GALNT13: variants seen among roughly 807,000 people sequenced by gnomAD.
GALNT13 encodes the protein polypeptide N-acetylgalactosaminyltransferase 13.
GALNT13 carries 28 observed loss-of-function variants against 64.2 expected under a neutral mutation model. The observed-to-expected ratio is 0.44, with a 90% CI of 0.32 to 0.60. The LOEUF is 0.60. GALNT13 is among the 20% of genes least tolerant of loss of function. GALNT13 has a pLI of 0.05. For synonymous variants in GALNT13, 214 were observed against 224.6 expected (o/e 0.95, Z 0.42); for missense variants, 577 against 669.8 (o/e 0.86, Z 1.53).
the GALNT13 span, among the ~76,000 whole-genome samples, chr2:153,302,636 A>T: frequency 1.3e-5 from 2 of 152,092 alleles, no homozygotes; most frequent in South Asian, 4.1e-4. Flanking sequence ...TGCCCAGACC[A>T]ATGTCATGGA....
the GALNT13 span, among the ~76,000 whole-genome samples, chr2:153,076,697 C>G: frequency 7.4e-6 from 1 of 135,950 alleles, no homozygotes; most frequent in Non-Finnish European, 1.5e-5. Context: ...CATCATTTTC[C>G]TCATTGATTT....
At chr2:153,871,583 G>A (rs1180913375), upstream of GALNT13, among the ~76,000 whole-genome samples, 1 of 152,174 alleles carries the variant, frequency 6.6e-6, no homozygotes, top group Admixed American at 6.5e-5. Flanking sequence ...GCGTTGTGGG[G>A]CCCCAAAGCG....
chr2:154,122,451 A>G (rs1682005950), intron 3 of GALNT13, among the ~76,000 whole-genome samples: 1 of 151,960 alleles, frequency 6.6e-6, no homozygotes, highest in Admixed American at 6.6e-5. Context: ...AAAATATTTT[A>G]GGAAGTATTT....
chr2:153,574,705 T>G, the GALNT13 span, among the ~76,000 whole-genome samples: 2 of 147,510 alleles, frequency 1.4e-5, no homozygotes, highest in African/African-American at 5.3e-5. Flanking sequence ...TGCTTTATAA[T>G]TATTTCAATC....
chr2:153,432,920 A>AC, the GALNT13 span, among the ~76,000 whole-genome samples: 6 of 152,112 alleles, frequency 3.9e-5, no homozygotes, highest in Non-Finnish European at 8.8e-5. Flanking sequence ...TGATTTAATG[A>AC]CCTACCTAAT....
At chr2:153,488,492 A>G in the GALNT13 span, among the ~76,000 whole-genome samples, 2 of 152,198 alleles carry the variant, frequency 1.3e-5, no homozygotes, top group South Asian at 2.1e-4. Flanking sequence ...TTTAACCTTA[A>G]TAGTCACCAG....
At chr2:153,744,551 C>A in the GALNT13 span, among the ~76,000 whole-genome samples, 1 of 152,016 alleles carries the variant, frequency 6.6e-6, no homozygotes, top group Admixed American at 6.6e-5. Context: ...AGAGTTGTAT[C>A]TTTTCTCAGC....
chr2:153,584,357 C>T, the GALNT13 span, among the ~76,000 whole-genome samples: 11 of 152,164 alleles, frequency 7.2e-5, no homozygotes, highest in African/African-American at 1.2e-4. Context: ...CAGTCCACCA[C>T]GTGGGACACC....
At chr2:153,498,063 T>G in the GALNT13 span, among the ~76,000 whole-genome samples, 3 of 152,338 alleles carry the variant, frequency 2.0e-5, no homozygotes, top group African/African-American at 2.4e-5. Context: ...GAGATTATTT[T>G]GTACTCTTAC....
the GALNT13 span, among the ~76,000 whole-genome samples, chr2:153,306,503 T>C: frequency 1.3e-5 from 2 of 152,306 alleles, no homozygotes; most frequent in South Asian, 2.1e-4. Flanking sequence ...CTAGAGTACA[T>C]TCATATTTAC....
the GALNT13 span, among the ~76,000 whole-genome samples, chr2:153,268,833 C>G: frequency 2.0e-5 from 3 of 152,232 alleles, no homozygotes; most frequent in African/African-American, 7.2e-5. Flanking sequence ...CCCTTTGAAG[C>G]AATGGCTCAA....
the GALNT13 span, among the ~76,000 whole-genome samples, chr2:153,540,085 C>G: frequency 6.6e-6 from 1 of 152,200 alleles, no homozygotes; most frequent in Non-Finnish European, 1.5e-5. Flanking sequence ...TTTATGGCAG[C>G]CTCTCCCATC....
At chr2:154,388,011 G>A (rs1698597316) in intron 9 of GALNT13, among the ~76,000 whole-genome samples, 1 of 152,036 alleles carries the variant, frequency 6.6e-6, no homozygotes, top group African/African-American at 2.4e-5. Context: ...CTTTTATAAT[G>A]GCTGTACTAA....
chr2:154,348,746 C>T (rs1399758988), intron 9 of GALNT13, among the ~76,000 whole-genome samples: 1 of 151,942 alleles, frequency 6.6e-6, no homozygotes, highest in African/African-American at 2.4e-5. Flanking sequence ...ACAAAGCCCT[C>T]TTTGTCACTG....
the GALNT13 span, among the ~76,000 whole-genome samples, chr2:153,567,539 C>T: frequency 1.3e-5 from 2 of 152,158 alleles, no homozygotes; most frequent in African/African-American, 4.8e-5. Flanking sequence ...GGCCATTGTC[C>T]AGAGAAATAG....
chr2:153,296,167 C>G, the GALNT13 span, among the ~76,000 whole-genome samples: 1 of 152,062 alleles, frequency 6.6e-6, no homozygotes, highest in South Asian at 2.1e-4. Flanking sequence ...TCCTGATCAG[C>G]ATTAAGAACT....
the GALNT13 span, among the ~76,000 whole-genome samples, chr2:153,378,242 G>C: frequency 1.1e-3 from 168 of 149,392 alleles, 2 homozygotes; most frequent in Non-Finnish European, 5.9e-5. Flanking sequence ...TAAATAACAA[G>C]GGTTTAGAAC....
the GALNT13 span, among the ~76,000 whole-genome samples, chr2:153,635,606 A>G: frequency 6.6e-6 from 1 of 152,020 alleles, no homozygotes; most frequent in African/African-American, 2.4e-5. Flanking sequence ...ATAGCCTAGG[A>G]TGAATTCTGC....
chr2:153,166,670 T>A, the GALNT13 span, among the ~76,000 whole-genome samples: 1 of 143,350 alleles, frequency 7.0e-6, no homozygotes, highest in African/African-American at 2.6e-5. Context: ...TGTGTGTGTG[T>A]GATGGGACTG....
Sources: allele counts gnomAD v4.1 joint callset (sites outside exome capture counted in the v4.1 genomes callset), GRCh38; gene constraint gnomAD v4.1.1; transcripts MANE v1.5; gene names NCBI Gene and HGNC (gene_info 2026-07-23, HGNC 2026-07-21).